The following PHGDH variants were observed in gnomAD, a reference collection of about 807,000 sequenced individuals.
The protein encoded by PHGDH is D-3-phosphoglycerate dehydrogenase.
In PHGDH, 50 loss-of-function variants were observed where a neutral mutation model predicts 52.6. That is an observed-to-expected ratio of 0.95 (90% CI 0.76 to 1.20). The LOEUF is 1.20. Among genes scored for constraint, PHGDH ranks in the 50% most tolerant of loss-of-function variants. The pLI, the probability that PHGDH is intolerant of heterozygous loss-of-function variation, is 0.00. For missense variants in PHGDH, 630 were observed against 684.6 expected, an observed-to-expected ratio of 0.92 and a Z score of 0.89; for synonymous variants, 271 against 280.5, an observed-to-expected ratio of 0.97 and a Z score of 0.34.
chr1:119,712,020 G>T lies in PHGDH; in HGVS notation c.-3G>T, dbSNP rs774171817. Reference sequence around the variant, plus strand: ...GCGGCCGATTCCGAGGCCAACTCCAGCAATGGCTTTTGCAAATCTGCGGAA... The same window carrying T: ...GCGGCCGATTCCGAGGCCAACTCCATCAATGGCTTTTGCAAATCTGCGGAA... On this transcript the variant is annotated 5_prime_UTR_variant, in exon 1 of 12. Transcript: ENST00000641023. The T allele has an allele frequency of 6.2e-7, 1 of 1,614,076 alleles. No individual in the cohort carries two copies. Among genetic ancestry groups the T allele is most frequent in the South Asian group, 1.1e-5 (1 of 91,078 alleles).
At chr1:119,718,463 AC>A (rs1651020266) in intron 1 of PHGDH, among the ~76,000 whole-genome samples, 2 of 152,188 alleles carry the variant, frequency 1.3e-5, no homozygotes, top group Non-Finnish European at 2.9e-5. Flanking sequence ...TGGTTTTTGC[AC>A]CTAACTGGCC....
intron 10 of PHGDH, 148 bp downstream of exon 10, chr1:119,742,045 A>G (rs1311406810): frequency 2.8e-6 from 2 of 714,408 alleles, no homozygotes; most frequent in Non-Finnish European, 4.9e-6. Flanking sequence ...CAGTTTCTTC[A>G]ACTGCAAAAT....
intron 4 of PHGDH, 21 bp from the exon 5 acceptor site, chr1:119,726,983 C>T (rs1213799533): frequency 6.2e-7 from 1 of 1,609,958 alleles, no homozygotes; most frequent in Non-Finnish European, 8.5e-7. Context: ...AGCTTCTTTC[C>T]TTTTGCCTGT....
intron 10 of PHGDH, chr1:119,742,456 A>G: frequency 2.2e-6 from 1 of 462,342 alleles, no homozygotes; most frequent in Non-Finnish European, 4.0e-6. Flanking sequence ...CATGCCAGTC[A>G]TGCCACTGAT....
chr1:119,714,249 G>GGAA (rs1481231773), intron 1 of PHGDH, among the ~76,000 whole-genome samples: 5 of 152,152 alleles, frequency 3.3e-5, no homozygotes, highest in African/African-American at 9.7e-5. Flanking sequence ...TAATGCTGAA[G>GGAA]GAAGCTTCGG....
chr1:119,721,398 C>G (rs1651161004), intron 2 of PHGDH, 77 bp downstream of exon 2: 4 of 1,456,084 alleles, frequency 2.7e-6, no homozygotes, highest in Non-Finnish European at 3.8e-6. Context: ...GGAGAAAAAA[C>G]TCACTTGAGA....
intron 9 of PHGDH, 56 bp from the exon 10 acceptor site, chr1:119,741,711 C>A: frequency 1.3e-6 from 2 of 1,550,310 alleles, no homozygotes; most frequent in Non-Finnish European, 8.9e-7. Flanking sequence ...GCTTCCTGCC[C>A]CCTCCTGTAG....
intron 7 of PHGDH, 92 bp downstream of exon 7, chr1:119,735,535 C>CTAGAGGCTTT: frequency 1.6e-6 from 2 of 1,273,862 alleles, no homozygotes; most frequent in Non-Finnish European, 2.2e-6. Flanking sequence ...TTACAGAAAG[C>CTAGAGGCTTT]CTCTAGCTTA....
intron 2 of PHGDH, among the ~76,000 whole-genome samples, chr1:119,722,807 G>A (rs1355423480): frequency 1.3e-5 from 2 of 151,292 alleles, no homozygotes; most frequent in East Asian, 3.9e-4. Context: ...GGTTGAGCTG[G>A]AAGGATTGCT....
intron 1 of PHGDH, among the ~76,000 whole-genome samples, chr1:119,718,080 C>G (rs1651008027): frequency 6.6e-6 from 1 of 152,222 alleles, no homozygotes; most frequent in Admixed American, 6.5e-5. Context: ...TATTATCCCC[C>G]AGTAGGCAGG....
In PHGDH at chr1:119,741,805, G is replaced by A. The variant is rs201553627; in HGVS notation, c.1117G>A (p.Ala373Thr). Residue 373 changes from alanine (A) to threonine (T), a missense_variant, in exon 10 of 12, where the codon GCA becomes ACA. Ala to Thr is a moderately conservative substitution (Grantham distance 58, BLOSUM62 0). Coordinates refer to ENST00000641023, the MANE Select transcript of PHGDH (RefSeq NM_006623.4). The part of the protein sequence containing the change: ...LKNAGNCLSP[A>T]VIVGLLKEAS... ...GAATGCTGGGAACTGCCTAAGCCCC[G>A]CAGTCATTGTCGGCCTCCTGAAAGA... 6.2e-6 allele frequency: 10 copies of A among 1,612,788 alleles called. No homozygotes were observed. Among genetic ancestry groups the A allele is most frequent in the Admixed American group, 1.7e-5 (1 of 60,006 alleles).
rs139129607 is a variant in PHGDH at position 119,726,894 on chromosome 1, G to A, written c.400G>A (p.Glu134Lys). 4.0e-5 allele frequency: 65 copies of A among 1,614,222 alleles called. No homozygotes were observed. The highest frequency in any genetic ancestry group is 1.7e-4 in the Admixed American group (10 of 60,038). ...GGCTTCGATGAAGGACGGCAAATGG[G>A]AGCGGAAGAAGGTGAGCAGCGGCCT... The part of the protein sequence containing the change: ...ATASMKDGKW[E>K]RKKFMGTELN... Residue 134 changes from glutamate to lysine, a missense_variant, in exon 4 of 12, where the codon GAG becomes AAG. Coordinates refer to ENST00000641023, the MANE Select transcript of PHGDH (RefSeq NM_006623.4).
intron 8 of PHGDH, chr1:119,739,677 A>G (rs587599249): frequency 1.3e-5 from 2 of 152,414 alleles, no homozygotes; most frequent in South Asian, 2.1e-4. Context: ...AAAAGTGGCC[A>G]GATGCCTAAC....
rs757082646 is a variant in PHGDH, at chr1:119,737,259, C to T, written c.938C>T (p.Thr313Met). 16 of 1,613,324 alleles carry T rather than the reference C, an allele frequency of 9.9e-6. No homozygotes were observed. Among genetic ancestry groups the T allele is most frequent in the African/African-American group, 8.0e-5 (6 of 75,014 alleles). Residue 313 changes from threonine (T) to methionine (M), a missense_variant, in exon 8 of 12, where the codon ACG becomes ATG. Transcript: ENST00000641023. ...FVDMVKGKSL[T>M]GVVNAQALTS... ...GACATGGTGAAGGGGAAATCTCTCA[C>T]GGGGGTTGTAAGTATCACCACCTGG...
chr1:119,734,632 A>G lies in PHGDH; in HGVS notation c.511-2A>G, dbSNP rs2101195348. The G allele has an allele frequency of 1.2e-6, 2 of 1,614,078 alleles. No homozygotes were observed. Among genetic ancestry groups the G allele is most frequent in the Non-Finnish European group, 1.7e-6 (2 of 1,179,906 alleles). ...TCCTCCCTCTCTCTTGCTTCCAACC[A>G]GACTATAGGGTATGACCCCATCATT... is the stretch of plus-strand genomic sequence containing the variant. On this transcript the variant is annotated splice_acceptor_variant, in intron 5 of 11. Coordinates refer to ENST00000641023, the MANE Select transcript of PHGDH (RefSeq NM_006623.4). LOFTEE classifies it high-confidence loss of function.
chr1:119,723,381 C>G lies in PHGDH; in HGVS notation c.296C>G (p.Pro99Arg), dbSNP rs182600362. 397 of 1,613,058 alleles carry G rather than the reference C, an allele frequency of 2.5e-4. 4 individuals carry two copies. In the Admixed American group the frequency reaches 6.2e-3, roughly 25 times the overall value. Residue 99 changes from proline (P) to arginine (R), a missense_variant, in exon 3 of 12, where the codon CCC becomes CGC. Coordinates refer to ENST00000641023, the MANE Select transcript of PHGDH (RefSeq NM_006623.4). The part of the protein sequence containing the change: ...TRKGILVMNT[P>R]NGNSLSAAEL... ...CCCTTTTCTTTGATCTTTAGCACCCCCAATGGGAACAGCCTCAGTGCCGCA... is the reference window on the plus strand; with the variant it reads ...CCCTTTTCTTTGATCTTTAGCACCCGCAATGGGAACAGCCTCAGTGCCGCA...
At chr1:119,717,577 A>G (rs956436075) in intron 1 of PHGDH, among the ~76,000 whole-genome samples, 12 of 152,140 alleles carry the variant, frequency 7.9e-5, no homozygotes, top group Non-Finnish European at 1.8e-4. Context: ...GTGAGGTAGC[A>G]ATCTATTATT....
intron 6 of PHGDH, 51 bp from the exon 7 acceptor site, chr1:119,735,244 C>G (rs777274051): frequency 6.2e-7 from 1 of 1,611,688 alleles, no homozygotes; most frequent in South Asian, 1.1e-5. Context: ...CAGGGATGAG[C>G]GTGGGGATCC....
At chr1:119,730,698 T>C (rs1310936498) in intron 5 of PHGDH, among the ~76,000 whole-genome samples, 1 of 152,238 alleles carries the variant, frequency 6.6e-6, no homozygotes, top group Non-Finnish European at 1.5e-5. Context: ...TTAGATTGTG[T>C]ATAGATATGG....
Sources: gnomAD v4.1 joint callset for allele counts (sites outside exome capture counted in the v4.1 genomes callset) on GRCh38, gnomAD v4.1.1 for gene constraint, MANE v1.5 for transcripts, NCBI Gene and HGNC (gene_info 2026-07-23, HGNC 2026-07-21) for gene names.